The following CEMIP variants were observed in gnomAD, a reference collection of about 807,000 sequenced individuals.
The protein encoded by CEMIP is cell migration inducing hyaluronidase 1.
In CEMIP, 105 loss-of-function variants were observed where a neutral mutation model predicts 156.9. The observed-to-expected ratio is 0.67, with a 90% CI of 0.57 to 0.79. The LOEUF (loss-of-function observed/expected upper bound fraction) is 0.79, where lower values mean the gene tolerates loss of function less well. CEMIP is among the 30% of genes least tolerant of loss of function. CEMIP has a pLI of 0.00. For missense variants in CEMIP, 1,457 were observed against 1,769.4 expected (o/e 0.82, Z 3.17); for synonymous variants, 676 against 668.4 (o/e 1.01, Z -0.17).
At position 80,878,615 on chromosome 15, in the gene CEMIP, G is replaced by A. The variant is rs138904025; in HGVS notation, c.95-106G>A. On this transcript the variant is annotated intron_variant, in intron 3 of 29. Transcript: ENST00000394685. ...GTCTTGCTTTTAGCTCTAACAGAGA[G>A]GAGGTAGGGGCCTTAAAGATGCATG... 148 of 1,440,462 alleles carry A rather than the reference G, an allele frequency of 1.0e-4. 1 individual carries two copies. In the East Asian group the frequency reaches 2.7e-3, roughly 26 times the overall value. The allele number at this position is 1,440,462 out of a possible 1,614,324, so 89.2% of individuals were successfully genotyped here. A position where few individuals can be genotyped will look rare whatever the true frequency, so the allele number is the denominator to read the frequency against.
chr15:80,909,076 C>T, intron 13 of CEMIP, 21 bp from the exon 14 acceptor site: 1 of 1,611,868 alleles, frequency 6.2e-7, no homozygotes, highest in South Asian at 1.1e-5. Context: ...GCTCCTCTGA[C>T]TCTCGGTTCT....
chr15:80,921,197 C>A, intron 16 of CEMIP, 96 bp downstream of exon 16: 3 of 1,136,360 alleles, frequency 2.6e-6, no homozygotes, highest in Non-Finnish European at 3.9e-6. Context: ...GTGCTCTGAG[C>A]CCCAAGCCCA....
intron 1 of CEMIP, among the ~76,000 whole-genome samples, chr15:80,811,200 G>A (rs550640959): frequency 2.0e-5 from 3 of 152,326 alleles, no homozygotes; most frequent in East Asian, 3.9e-4. Flanking sequence ...GGAGCCCAAA[G>A]TCGGGTAGGA....
chr15:80,884,445 C>T (rs1898767495), intron 7 of CEMIP, 91 bp downstream of exon 7: 2 of 1,308,004 alleles, frequency 1.5e-6, no homozygotes, highest in South Asian at 2.4e-5. Context: ...CTCCTCTCCC[C>T]ACAGCCGTAC....
intron 25 of CEMIP, among the ~76,000 whole-genome samples, chr15:80,941,622 T>C (rs1901339243): frequency 6.6e-6 from 1 of 152,240 alleles, no homozygotes; most frequent in African/African-American, 2.4e-5. Context: ...GCGTGGCACA[T>C]AGAACGTGCT....
At chr15:80,836,861 G>A (rs922326744) in intron 1 of CEMIP, among the ~76,000 whole-genome samples, 11 of 152,222 alleles carry the variant, frequency 7.2e-5, no homozygotes, top group African/African-American at 2.7e-4. Flanking sequence ...ATATTTTGCA[G>A]CAAGGCAGAA....
intron 12 of CEMIP, among the ~76,000 whole-genome samples, chr15:80,897,829 T>C (rs146051287): frequency 3.2e-3 from 486 of 152,204 alleles, no homozygotes; most frequent in Admixed American, 5.2e-3. Flanking sequence ...ACAATAAACT[T>C]TATCTCTAAG....
At chr15:80,840,797 G>A (rs541054454) in intron 1 of CEMIP, among the ~76,000 whole-genome samples, 43 of 152,294 alleles carry the variant, frequency 2.8e-4, no homozygotes, top group Admixed American at 9.8e-4. Flanking sequence ...GGAAGCCAGC[G>A]GTGTTTTATG....
chr15:80,895,248 C>CGGGAGCAGT, intron 11 of CEMIP, 126 bp downstream of exon 11: 1 of 1,280,934 alleles, frequency 7.8e-7, no homozygotes, highest in Non-Finnish European at 1.1e-6. Context: ...TTTTGTGACA[C>CGGGAGCAGT]GGGAGCAGTG....
Position 80,879,839 on chromosome 15 carries a change from T to A in CEMIP, c.365T>A (p.Ile122Asn). Residue 122 changes from isoleucine to asparagine, a missense_variant, in exon 5 of 30, where the codon ATC becomes AAC. Coordinates refer to ENST00000394685, the MANE Select transcript of CEMIP (RefSeq NM_001293298.2). ...TGCCCTTTCCAGGGCAATTTCACCA[T>A]CATTTTGTATGGAAGGTGCGTAGAC... The part of the protein sequence containing the change: ...ALCPFQGNFT[I>N]ILYGRADEGI... 6.2e-7 allele frequency: 1 copy of A among 1,614,132 alleles called. No homozygotes were observed.
chr15:80,808,546 C>G (rs1279227133), intron 1 of CEMIP, among the ~76,000 whole-genome samples: 3 of 151,866 alleles, frequency 2.0e-5, no homozygotes, highest in Non-Finnish European at 2.9e-5. Context: ...GGCATCATCA[C>G]AGATGAATAA....
intron 29 of CEMIP, 39 bp from the exon 30 acceptor site, chr15:80,948,758 A>AT (rs754830408): frequency 2.7e-5 from 43 of 1,613,744 alleles, no homozygotes; most frequent in Non-Finnish European, 3.6e-5. Context: ...CCGTCCTCTC[A>AT]TAGGGCTTTT....
At chr15:80,812,114 A>G (rs907645799) in intron 1 of CEMIP, among the ~76,000 whole-genome samples, 2 of 152,180 alleles carry the variant, frequency 1.3e-5, no homozygotes, top group African/African-American at 4.8e-5. Flanking sequence ...CCTGGGCTCA[A>G]GCAAACCTCC....
chr15:80,901,610 G>C (rs1193372974), intron 12 of CEMIP, among the ~76,000 whole-genome samples: 1 of 151,776 alleles, frequency 6.6e-6, no homozygotes, highest in Non-Finnish European at 1.5e-5. Flanking sequence ...GCTGCAGCAG[G>C]AGAATCGCTT....
Position 80,936,895 on chromosome 15 carries a change from T to C in CEMIP, c.3221+10T>C. 5.6e-6 allele frequency: 9 copies of C among 1,613,348 alleles called. No individual in the cohort carries two copies. Among genetic ancestry groups the C allele is most frequent in the Non-Finnish European group, 5.9e-6 (7 of 1,179,498 alleles). ...TCATCAACTTCAACAAGTGAGTGGG[T>C]GTCCAGCCAGGAGCAGTGAGCTCAA... On this transcript the variant is annotated intron_variant, in intron 24 of 29. Transcript: ENST00000394685.
intron 4 of CEMIP, 61 bp from the exon 5 acceptor site, chr15:80,879,655 C>T: frequency 1.2e-6 from 2 of 1,608,140 alleles, no homozygotes; most frequent in Non-Finnish European, 1.7e-6. Context: ...GCCCTTGGCT[C>T]TGATATAACC....
chr15:80,854,322 C>T (rs528457991), intron 1 of CEMIP, among the ~76,000 whole-genome samples: 1 of 152,360 alleles, frequency 6.6e-6, no homozygotes, highest in Non-Finnish European at 1.5e-5. Context: ...CTTCTCCCTG[C>T]CTGGCAACTT....
rs1176038006 is a variant in CEMIP, at chr15:80,889,107, T to C, written c.964+311T>C. Among the ~76,000 whole-genome samples the C allele has an allele frequency of 2.6e-5, 4 of 152,220 alleles. No individual in the cohort carries two copies. In the East Asian group the frequency reaches 7.7e-4, roughly 29 times the overall value. ...ACTGAACAGGAAATGCAGATAGGAA[T>C]AGAACCTGCCCTCCAAATAGCCCAC... On this transcript the variant is annotated intron_variant, in intron 9 of 29. Transcript: ENST00000394685.
In CEMIP at chr15:80,933,358, T is replaced by A; in HGVS notation, c.2907T>A (p.Pro969=). ...HDVDGSVSEY[P]GSYLTKNDNW... ...TCGACGGCTCCGTGTCCGAGTACCC[T>A]GGCTCCTACCTCACGAAGAATGACA... The change falls in exon 23 of 30, where the codon CCT becomes CCA. Residue 969 remains proline (P), a synonymous_variant. Transcript: ENST00000394685. The A allele has an allele frequency of 6.2e-7, 1 of 1,614,192 alleles. No homozygotes were observed. Among genetic ancestry groups the A allele is most frequent in the Non-Finnish European group, 8.5e-7 (1 of 1,180,034 alleles).
Sources: allele counts gnomAD v4.1 joint callset (sites outside exome capture counted in the v4.1 genomes callset), GRCh38; gene constraint gnomAD v4.1.1; transcripts MANE v1.5; gene names NCBI Gene and HGNC (gene_info 2026-07-23, HGNC 2026-07-21).